The following CHM variants were observed in gnomAD, a reference collection of about 807,000 sequenced individuals.
CHM encodes the protein CHM Rab escort protein.
CHM carries 10 observed loss-of-function variants against 49.0 expected under a neutral mutation model. The observed-to-expected ratio is 0.20, with a 90% CI of 0.13 to 0.35. The LOEUF is 0.35. Among genes scored for constraint, CHM ranks in the 10% least tolerant of loss-of-function variants. The pLI is 1.00. For missense variants in CHM, 455 were observed against 478.4 expected, an observed-to-expected ratio of 0.95 and a Z score of 0.46; for synonymous variants, 184 against 167.5, an observed-to-expected ratio of 1.10 and a Z score of -0.76.
rs1381975444 is a variant in CHM, at chrX:85,879,039, G to A, written c.1535C>T (p.Ser512Phe). ...GTYLVHLTCTSSKTAREDLES... is the reference protein window; with the variant it reads ...GTYLVHLTCTFSKTAREDLES... ...TAAATCTTCTCTTGCTGTTTTAGAA[G>A]ATGTGCAAGTCAAATGAACCAAATC... Residue 512 changes from serine to phenylalanine, a missense_variant, in exon 13 of 15, where the codon TCT (serine) becomes TTT (phenylalanine). Ser to Phe is a radical substitution (Grantham distance 155). Coordinates refer to ENST00000357749, the MANE Select transcript of CHM (RefSeq NM_000390.4). 5 of 1,197,305 alleles carry A rather than the reference G, an allele frequency of 4.2e-6. No individual in the cohort carries two copies. The highest frequency in any genetic ancestry group is 5.7e-6 in the Non-Finnish European group (5 of 884,493).
rs963511127 is a variant in CHM at position 86,043,860 on chromosome X, G to T, written c.49+3624C>A. Among the ~76,000 whole-genome samples the T allele has an allele frequency of 2.7e-5, 3 of 110,335 alleles. No individual in the cohort carries two copies. The South Asian group carries it at 1.2e-3, about 43-fold the overall frequency. Reference sequence around the variant, plus strand: ...CCTGTGCCTTAGCCTATAGAGTAATGGGGATTACAGGCCCGTGCCACCATG... The same window carrying T: ...CCTGTGCCTTAGCCTATAGAGTAATTGGGATTACAGGCCCGTGCCACCATG... On this transcript the variant is annotated intron_variant, in intron 1 of 14. Coordinates refer to ENST00000357749, the MANE Select transcript of CHM (RefSeq NM_000390.4).
rs767106157 is a variant in CHM at position 86,046,222 on chromosome X, G to A, written c.49+1262C>T. 3.6e-5 allele frequency among the ~76,000 whole-genome samples: 4 copies of A among 112,179 alleles called. No individual in the cohort carries two copies. The South Asian group carries it at 1.5e-3, about 42-fold the overall frequency. On this transcript the variant is annotated intron_variant, in intron 1 of 14. Coordinates refer to ENST00000357749, the MANE Select transcript of CHM (RefSeq NM_000390.4). ...ACCAAGTTTTCTCAATTGTTTCTAC[G>A]AATATGGGTCAACTCTGAGGATCAG...
chrX:86,002,246 C>T (rs1176008203), intron 2 of CHM, among the ~76,000 whole-genome samples: 1 of 111,598 alleles, frequency 9.0e-6, no homozygotes, highest in Non-Finnish European at 1.9e-5. Flanking sequence ...CAAAGAAAAC[C>T]CTAGGGGGTG....
At chrX:85,943,503 T>C (rs1383746664) in intron 8 of CHM, among the ~76,000 whole-genome samples, 1 of 111,970 alleles carries the variant, frequency 8.9e-6, no homozygotes, top group Non-Finnish European at 1.9e-5. Flanking sequence ...ATTCTTTATT[T>C]ATCTAAACTG....
intron 2 of CHM, among the ~76,000 whole-genome samples, chrX:85,983,175 A>G (rs1188919708): frequency 1.8e-5 from 2 of 111,042 alleles, no homozygotes; most frequent in East Asian, 5.7e-4. Flanking sequence ...TGCCTGTGAA[A>G]GTAGCTTTAT....
intron 2 of CHM, among the ~76,000 whole-genome samples, chrX:86,014,082 G>T (rs1224043744): frequency 8.9e-6 from 1 of 111,988 alleles, no homozygotes; most frequent in African/African-American, 3.3e-5. Context: ...GCCATAGTTT[G>T]CAAACTCAAA....
intron 5 of CHM, among the ~76,000 whole-genome samples, chrX:85,963,309 T>C (rs1240541407): frequency 1.8e-5 from 2 of 112,012 alleles, no homozygotes; most frequent in Non-Finnish European, 3.8e-5. Flanking sequence ...TTACTATACA[T>C]AAAGGCTAAA....
At chrX:85,915,547 A>C (rs748545562) in intron 8 of CHM, among the ~76,000 whole-genome samples, 1 of 112,113 alleles carries the variant, frequency 8.9e-6, no homozygotes, top group Non-Finnish European at 1.9e-5. Context: ...ATATCTAGAA[A>C]CCCCATAGTC....
chrX:85,889,479 A>G (rs1161380847), intron 12 of CHM, among the ~76,000 whole-genome samples: 1 of 112,354 alleles, frequency 8.9e-6, no homozygotes, highest in Non-Finnish European at 1.9e-5. Context: ...TAATCAGAGA[A>G]ATGCAAATCA....
intron 8 of CHM, among the ~76,000 whole-genome samples, 193 bp downstream of exon 8, chrX:85,955,960 A>T (rs1929986617): frequency 1.8e-5 from 2 of 112,440 alleles, no homozygotes; most frequent in Admixed American, 1.9e-4. Context: ...TATCAAGCTC[A>T]AAAAGAGGCC....
intron 2 of CHM, among the ~76,000 whole-genome samples, chrX:86,017,042 G>T (rs1277375825): frequency 2.7e-5 from 3 of 112,474 alleles, no homozygotes; most frequent in Non-Finnish European, 5.6e-5. Context: ...TGCTCCACTA[G>T]ATTTCGGACT....
rs149517562 is a variant in CHM, at chrX:85,940,202, A to G, written c.1166+15951T>C. On this transcript the variant is annotated intron_variant, in intron 8 of 14. Coordinates refer to ENST00000357749, the MANE Select transcript of CHM (RefSeq NM_000390.4). Reference sequence around the variant, plus strand: ...ATGTCTTACAAACTCACTCACTATCACAAGAACAGCAAGGGGGAAATCTGC... The same window carrying G: ...ATGTCTTACAAACTCACTCACTATCGCAAGAACAGCAAGGGGGAAATCTGC... Among the ~76,000 whole-genome samples, 534 of 111,220 alleles carry G rather than the reference A, an allele frequency of 4.8e-3. 3 individuals carry two copies. The highest frequency in any genetic ancestry group is 8.8e-3 in the Non-Finnish European group (465 of 53,036).
rs763795820 is a variant in CHM, at chrX:85,891,697, A to G, written c.1510+2491T>C. The stretch of plus-strand genomic sequence containing the variant: ...AGAACCTCTGCTAGGGCACTGTGGA[A>G]GGGAAATGTGGGGTTGGAGGCCCCA... On this transcript the variant is annotated intron_variant, in intron 12 of 14. Transcript: ENST00000357749. Among the ~76,000 whole-genome samples, 58 of 112,515 alleles carry G rather than the reference A, an allele frequency of 5.2e-4. 1 individual carries two copies. The highest frequency in any genetic ancestry group is 1.8e-3 in the African/African-American group (56 of 31,008).
intron 4 of CHM, among the ~76,000 whole-genome samples, chrX:85,968,463 G>T (rs1930693564): frequency 9.0e-6 from 1 of 111,397 alleles, no homozygotes. Flanking sequence ...CTCCAATTTT[G>T]TTCCAATATT....
chrX:85,949,978 AATATATATAT>A (rs200318878), intron 8 of CHM, among the ~76,000 whole-genome samples: 2,038 of 42,790 alleles, frequency 0.048, 187 homozygotes, highest in African/African-American at 0.15. Flanking sequence ...ACTGAAATTA[AATATATATAT>A]ATATATATAT....
intron 1 of CHM, among the ~76,000 whole-genome samples, chrX:86,044,086 A>G (rs1263561506): frequency 8.9e-6 from 1 of 111,857 alleles, no homozygotes; most frequent in Non-Finnish European, 1.9e-5. Flanking sequence ...TGAAAAGCCT[A>G]CATTGTCTTA....
At chrX:85,957,063 G>T (rs1465062010) in intron 7 of CHM, among the ~76,000 whole-genome samples, 1 of 111,967 alleles carries the variant, frequency 8.9e-6, no homozygotes, top group East Asian at 2.8e-4. Context: ...ATTTTACACA[G>T]CCACTGTGGA....
chrX:85,959,885 A>G (rs747780321), intron 5 of CHM, among the ~76,000 whole-genome samples: 1 of 112,104 alleles, frequency 8.9e-6, no homozygotes, highest in Admixed American at 9.5e-5. Context: ...AATCTCAAAA[A>G]TCAATCTAAA....
chrX:85,873,098 C>T lies in CHM; in HGVS notation c.1724G>A (p.Cys575Tyr), dbSNP rs749755072. The T allele has an allele frequency of 1.7e-6, 2 of 1,207,472 alleles. No individual in the cohort carries two copies. The highest frequency in any genetic ancestry group is 2.2e-6 in the Non-Finnish European group (2 of 892,499). ...TCCTAAACCACAATCTGGGCCAGAG[C>T]AGACATAAACGTTGGATGGTAAATC... Reference protein sequence around the residue: ...YNDLPSNVYVCSGPDCGLGND... With the variant: ...YNDLPSNVYVYSGPDCGLGND... Residue 575 changes from cysteine (C) to tyrosine (Y), a missense_variant, in exon 14 of 15, where the codon TGC becomes TAC. Cys to Tyr is a radical substitution (Grantham distance 194). Coordinates refer to ENST00000357749, the MANE Select transcript of CHM (RefSeq NM_000390.4).
Sources: allele counts gnomAD v4.1 joint callset (sites outside exome capture counted in the v4.1 genomes callset), GRCh38; gene constraint gnomAD v4.1.1; transcripts MANE v1.5; gene names NCBI Gene and HGNC (gene_info 2026-07-23, HGNC 2026-07-21).